KIF26B: variants seen among roughly 807,000 people sequenced by gnomAD.
The protein encoded by KIF26B is kinesin family member 26B.
Under a neutral mutation model 151.2 loss-of-function variants are expected in KIF26B, and 63 were observed. The ratio of observed to expected loss-of-function variants is 0.42; its 90% CI spans 0.34 to 0.51. The LOEUF (loss-of-function observed/expected upper bound fraction) is 0.51, where lower values mean the gene tolerates loss of function less well. KIF26B is among the 20% of genes least tolerant of loss of function. The pLI is 0.07. For missense variants in KIF26B, 2,813 were observed against 2,913.6 expected, an observed-to-expected ratio of 0.97 and a Z score of 0.79; for synonymous variants, 1,357 against 1,262.1, an observed-to-expected ratio of 1.08 and a Z score of -1.59.
chr1:245,173,264 A>C (rs1407709580), intron 2 of KIF26B, among the ~76,000 whole-genome samples: 1 of 152,218 alleles, frequency 6.6e-6, no homozygotes, highest in Non-Finnish European at 1.5e-5. Context: ...AGAATTCTGC[A>C]TATGGAAGGT....
chr1:245,487,829 G>A (rs1177150585), intron 4 of KIF26B, among the ~76,000 whole-genome samples: 1 of 148,024 alleles, frequency 6.8e-6, no homozygotes, highest in Non-Finnish European at 1.5e-5. Flanking sequence ...TTTCAGACGC[G>A]CCAGGCTGGA....
chr1:245,340,257 GTATATCTGAAATGATGCC>G (rs1572012438), intron 2 of KIF26B, among the ~76,000 whole-genome samples: 2 of 152,046 alleles, frequency 1.3e-5, no homozygotes, highest in African/African-American at 4.8e-5. Context: ...ACGTCCTCCG[GTATATCTGAAATGATGCC>G]TAGATTACCT....
At chr1:245,274,715 A>C (rs1367851451) in intron 2 of KIF26B, among the ~76,000 whole-genome samples, 1 of 152,170 alleles carries the variant, frequency 6.6e-6, no homozygotes, top group Non-Finnish European at 1.5e-5. Context: ...TTTATAGTAG[A>C]ATGATTTATA....
At chr1:245,221,536 A>G (rs1669774407) in intron 2 of KIF26B, among the ~76,000 whole-genome samples, 1 of 151,840 alleles carries the variant, frequency 6.6e-6, no homozygotes, top group Admixed American at 6.6e-5. Flanking sequence ...CCACCCAAAT[A>G]GCTGGAATTA....
rs774378419 is a variant in KIF26B at position 245,687,920 on chromosome 1, A to G, written c.4937A>G (p.Lys1646Arg). ...CCAGACGAGCCTAGCGGCAAGACGA[A>G]GGACGCCAGCAGCAGCAGCAAGCTC... ...GLPDEPSGKT[K>R]DASSSSKLFS... The change falls in exon 12 of 15, where the codon AAG becomes AGG. Residue 1646 changes from lysine (K) to arginine (R), a missense_variant. This residue lies in a region of KIF26B where 2,060 missense variants were observed against 2,088.6 expected (regional missense o/e 0.99). Transcript: ENST00000407071. The surrounding 1 kb of genome is among the most constrained non-coding windows in gnomAD (Gnocchi z 4.9). The G allele has an allele frequency of 8.8e-6, 14 of 1,594,162 alleles. No individual in the cohort carries two copies. In the South Asian group the frequency reaches 1.3e-4, roughly 14 times the overall value.
chr1:245,307,752 T>C (rs947420804), intron 2 of KIF26B, among the ~76,000 whole-genome samples: 69 of 151,766 alleles, frequency 4.5e-4, no homozygotes, highest in African/African-American at 1.7e-3. Flanking sequence ...CTTTTTTTTT[T>C]TTTTTTGAGA....
chr1:245,636,779 T>C (rs1281676451), intron 9 of KIF26B, among the ~76,000 whole-genome samples: 1 of 152,014 alleles, frequency 6.6e-6, no homozygotes, highest in East Asian at 1.9e-4. Context: ...ACTTATTTCA[T>C]TTAACATAAT....
intron 4 of KIF26B, among the ~76,000 whole-genome samples, chr1:245,451,585 CTTTTTTTTTTT>C (rs58192966): frequency 3.4e-5 from 2 of 58,738 alleles, no homozygotes; most frequent in African/African-American, 1.4e-4. Flanking sequence ...GAAGATCTAT[CTTTTTTTTTTT>C]TTTTTTTTTT....
Position 245,706,420 on chromosome 1 carries a change from T to G in KIF26B, c.*3814T>G, listed in dbSNP as rs2044842121. 1 of 152,220 alleles carries G rather than the reference T, an allele frequency of 6.6e-6. No homozygotes were observed. 9.4% of individuals were successfully genotyped at this position (152,220 alleles called of 1,614,324 possible). A position where few individuals can be genotyped will look rare whatever the true frequency, so the allele number is the denominator to read the frequency against. The stretch of plus-strand genomic sequence containing the variant: ...ATGCAAACACAGCCGTCTATATCAT[T>G]GGCCACTGCTGATTATATTGAGTGT... On this transcript the variant is annotated 3_prime_UTR_variant, in exon 15 of 15. Transcript: ENST00000407071.
intron 5 of KIF26B, among the ~76,000 whole-genome samples, chr1:245,592,488 C>T (rs571639008): frequency 6.6e-6 from 1 of 152,308 alleles, no homozygotes; most frequent in South Asian, 2.1e-4. Flanking sequence ...AGTTATGGGG[C>T]AACCAAATGG....
chr1:245,232,256 T>C (rs568773893), intron 2 of KIF26B, among the ~76,000 whole-genome samples: 27 of 152,276 alleles, frequency 1.8e-4, no homozygotes, highest in Middle Eastern at 3.4e-3. Context: ...AGGGAAAAAG[T>C]GCAAGTAATT....
At chr1:245,211,342 C>A (rs1170198441) in intron 2 of KIF26B, among the ~76,000 whole-genome samples, 1 of 152,184 alleles carries the variant, frequency 6.6e-6, no homozygotes, top group Non-Finnish European at 1.5e-5. Context: ...ATCCCCTGCC[C>A]GCTGTGACTG....
At chr1:245,327,789 A>T (rs1672021915) in intron 2 of KIF26B, among the ~76,000 whole-genome samples, 1 of 152,206 alleles carries the variant, frequency 6.6e-6, no homozygotes, top group Non-Finnish European at 1.5e-5. Context: ...TTTCCATGAA[A>T]TGTATTTTCT....
rs770805003 is a variant in KIF26B, at chr1:245,698,100, C to T, written c.5825-6C>T. ...ACTAACTCTCTGGGCTTATCCCCCT[C>T]CTCAGGTTCTCAGAGACGGAGGCTT... is the stretch of plus-strand genomic sequence containing the variant. On this transcript the variant is annotated splice_polypyrimidine_tract_variant and splice_region_variant and intron_variant, in intron 12 of 14. Coordinates refer to ENST00000407071, the MANE Select transcript of KIF26B (RefSeq NM_018012.4). The surrounding 1 kb of genome is among the most constrained non-coding windows in gnomAD (Gnocchi z 4.0). The T allele has an allele frequency of 1.2e-6, 2 of 1,612,224 alleles. No individual in the cohort carries two copies. Among genetic ancestry groups the T allele is most frequent in the South Asian group, 1.1e-5 (1 of 90,820 alleles).
In KIF26B at chr1:245,495,511, T is replaced by G. The variant is rs1443831164; in HGVS notation, c.1167-45256T>G. ...GTTGTGGACATTGAAAATCTTTTCT[T>G]CTAGCTTTTTGAAAACATACAATAA... On this transcript the variant is annotated intron_variant, in intron 4 of 14. Coordinates refer to ENST00000407071, the MANE Select transcript of KIF26B (RefSeq NM_018012.4). The surrounding 1 kb of genome is among the most constrained non-coding windows in gnomAD (Gnocchi z 4.2). Among the ~76,000 whole-genome samples the G allele has an allele frequency of 6.6e-6, 1 of 152,198 alleles. No homozygotes were observed. Among genetic ancestry groups the G allele is most frequent in the Non-Finnish European group, 1.5e-5 (1 of 68,038 alleles).
At chr1:245,451,816 T>C in intron 4 of KIF26B, among the ~76,000 whole-genome samples, 1 of 152,052 alleles carries the variant, frequency 6.6e-6, no homozygotes, top group East Asian at 1.9e-4. Flanking sequence ...GCCAGCCTGG[T>C]CTTGAACTCC....
chr1:245,368,238 A>G (rs73134804), intron 3 of KIF26B, among the ~76,000 whole-genome samples: 6,008 of 152,270 alleles, frequency 0.039, 363 homozygotes, highest in African/African-American at 0.13. Context: ...AAATTAGAAC[A>G]TGCCCCCAAG....
At chr1:245,614,123 G>A (rs766729131) in intron 9 of KIF26B, among the ~76,000 whole-genome samples, 7 of 152,078 alleles carry the variant, frequency 4.6e-5, no homozygotes. Context: ...GCTGCAGCAC[G>A]CGTCTCTTGT....
At chr1:245,394,658 AT>A (rs1474304504) in intron 3 of KIF26B, among the ~76,000 whole-genome samples, 2 of 150,710 alleles carry the variant, frequency 1.3e-5, no homozygotes, top group East Asian at 3.9e-4. Context: ...AATATAAAGC[AT>A]TAAAAAGTAC....
Sources: allele counts gnomAD v4.1 joint callset (sites outside exome capture counted in the v4.1 genomes callset), GRCh38; gene constraint gnomAD v4.1.1; regional missense constraint gnomAD v4.1.1; non-coding constraint Gnocchi (gnomAD v3.1); transcripts MANE v1.5; gene names NCBI Gene and HGNC (gene_info 2026-07-23, HGNC 2026-07-21).